BAZ1B: variants seen among roughly 807,000 people sequenced by gnomAD.
BAZ1B encodes the protein bromodomain adjacent to zinc finger domain 1B, also known as tyrosine-protein kinase BAZ1B.
In BAZ1B, 22 loss-of-function variants were observed where a neutral mutation model predicts 153.8. That is an observed-to-expected ratio of 0.14 (90% CI 0.10 to 0.20). The LOEUF (loss-of-function observed/expected upper bound fraction) is 0.20. BAZ1B is among the 10% of genes least tolerant of loss of function. The probability of loss-of-function intolerance (pLI) is 1.00; values close to 1 mark genes in which losing one functional copy is unlikely to be tolerated. For missense variants in BAZ1B, 1,325 were observed against 1,799.3 expected (o/e 0.74, Z 4.77); for synonymous variants, 676 against 633.4 (o/e 1.07, Z -1.01).
chr7:73,500,095 C>T (rs542885372), intron 3 of BAZ1B, among the ~76,000 whole-genome samples: 2 of 152,240 alleles, frequency 1.3e-5, no homozygotes, highest in Non-Finnish European at 2.9e-5. Context: ...ACTACAGGCA[C>T]ACACCACACC....
chr7:73,516,264 C>T (rs79024510), intron 1 of BAZ1B, among the ~76,000 whole-genome samples: 4,835 of 152,232 alleles, frequency 0.032, 153 homozygotes, highest in Non-Finnish European at 0.037. Flanking sequence ...AATCCTCCAG[C>T]TTTGGCCTCC....
chr7:73,442,703 C>T (rs782359795), intron 18 of BAZ1B, 22 bp downstream of exon 18: 1 of 1,610,004 alleles, frequency 6.2e-7, no homozygotes, highest in Non-Finnish European at 8.5e-7. Flanking sequence ...CTCTCCCCTG[C>T]ACCTGAGAAC....
In BAZ1B at chr7:73,466,312, G is replaced by T; in HGVS notation, c.2956C>A (p.Gln986Lys). Residue 986 changes from glutamine to lysine, a missense_variant, in exon 10 of 20, where the codon CAA becomes AAA. By Grantham distance (53) the Gln-to-Lys change is moderately conservative (BLOSUM62 1). Coordinates refer to ENST00000339594, the MANE Select transcript of BAZ1B (RefSeq NM_032408.4). ...EVAVETTTPKQGQNLWFLCDS... is the reference protein window; with the variant it reads ...EVAVETTTPKKGQNLWFLCDS... Reference sequence around the variant, plus strand: ...TCACATTACCATAGGTTCTGTCCTTGTTTGGGTGTGGTTGTCTCTACAGCA... The same window carrying T: ...TCACATTACCATAGGTTCTGTCCTTTTTTGGGTGTGGTTGTCTCTACAGCA... 1 of 1,611,066 alleles carries T rather than the reference G, an allele frequency of 6.2e-7. No homozygotes were observed. The highest frequency in any genetic ancestry group is 8.5e-7 in the Non-Finnish European group (1 of 1,177,266).
intron 15 of BAZ1B, 29 bp from the exon 16 acceptor site, chr7:73,447,408 C>T (rs1041504456): frequency 6.3e-7 from 1 of 1,592,894 alleles, no homozygotes; most frequent in Admixed American, 1.7e-5. Flanking sequence ...ATGTAGGGAA[C>T]ACAGTTTTAG....
rs77753830 is a variant in BAZ1B at position 73,470,234 on chromosome 7, T to C, written c.2732+111A>G. On this transcript the variant is annotated intron_variant, in intron 8 of 19. Coordinates refer to ENST00000339594, the MANE Select transcript of BAZ1B (RefSeq NM_032408.4). Reference sequence around the variant, plus strand: ...TCAACAATTCTGTTTCCAAAAAGAATTGGAAAACTGAAGAGAGAAGCTTGT... The same window carrying C: ...TCAACAATTCTGTTTCCAAAAAGAACTGGAAAACTGAAGAGAGAAGCTTGT... The C allele has an allele frequency of 3.9e-4, 485 of 1,228,568 alleles. 4 individuals carry two copies. In the East Asian group the frequency reaches 0.01, roughly 26 times the overall value. 76.1% of individuals were successfully genotyped at this position (1,228,568 alleles called of 1,614,324 possible). A position where few individuals can be genotyped will look rare whatever the true frequency, so the allele number is the denominator to read the frequency against.
rs782085818 is a variant in BAZ1B at position 73,449,705 on chromosome 7, T to G, written c.3581-16A>C. On this transcript the variant is annotated splice_polypyrimidine_tract_variant and intron_variant, in intron 14 of 19. Transcript: ENST00000339594. ...TCATCCTCACCTGCAGAGAGATAAA[T>G]GTGAATAGCATTGTTGGGAGCACAG... The G allele has an allele frequency of 6.2e-7, 1 of 1,613,148 alleles. No individual in the cohort carries two copies. The highest frequency in any genetic ancestry group is 1.3e-5 in the African/African-American group (1 of 74,982).
chr7:73,512,985 C>T (rs1790647940), intron 1 of BAZ1B, among the ~76,000 whole-genome samples: 1 of 152,154 alleles, frequency 6.6e-6, no homozygotes, highest in African/African-American at 2.4e-5. Flanking sequence ...CACAGGGTCT[C>T]ACTCTGTCAC....
chr7:73,468,385 A>G (rs1788672490), intron 9 of BAZ1B, among the ~76,000 whole-genome samples: 1 of 152,116 alleles, frequency 6.6e-6, no homozygotes, highest in African/African-American at 2.4e-5. Context: ...CAGTACAAAA[A>G]ACTATCTTCC....
At position 73,477,739 on chromosome 7, in the gene BAZ1B, T is replaced by C; in HGVS notation, c.1722A>G (p.Leu574=). The change falls in exon 7 of 20, where the codon TTA becomes TTG. Residue 574 remains leucine (L), a synonymous_variant. Transcript: ENST00000339594. The surrounding 1 kb of genome is among the most constrained non-coding windows in gnomAD (Gnocchi z 5.6). The stretch of plus-strand genomic sequence containing the variant: ...GGTCCTCATACCGCTTCTGTTTTTC[T>C]AATCTCTCAAGCATTTCTTTCTCTC... The part of the protein sequence containing the change: ...ERREKEMLER[L]EKQKRYEDQE... 1.9e-6 allele frequency: 3 copies of C among 1,614,256 alleles called. No individual in the cohort carries two copies. Among genetic ancestry groups the C allele is most frequent in the Non-Finnish European group, 2.5e-6 (3 of 1,180,048 alleles).
intron 3 of BAZ1B, among the ~76,000 whole-genome samples, chr7:73,505,672 T>TC (rs1790309238): frequency 6.6e-6 from 1 of 151,720 alleles, no homozygotes; most frequent in Non-Finnish European, 1.5e-5. Flanking sequence ...CACTTCGGCC[T>TC]CCCGAGTAGC....
chr7:73,492,142 GC>G, intron 5 of BAZ1B, among the ~76,000 whole-genome samples: 1 of 151,698 alleles, frequency 6.6e-6, no homozygotes. Context: ...ATAGGCGTGC[GC>G]CACCACACCT....
intron 13 of BAZ1B, among the ~76,000 whole-genome samples, chr7:73,458,445 G>A (rs531273146): frequency 6.6e-6 from 1 of 152,154 alleles, no homozygotes; most frequent in Non-Finnish European, 1.5e-5. Context: ...GGAGGCTGAG[G>A]TGGGCAGATG....
chr7:73,519,742 T>C (rs1306214690), intron 1 of BAZ1B, among the ~76,000 whole-genome samples: 2 of 152,126 alleles, frequency 1.3e-5, no homozygotes, highest in African/African-American at 4.8e-5. Flanking sequence ...TACTTAGAAA[T>C]TGTCTCTTCT....
intron 9 of BAZ1B, among the ~76,000 whole-genome samples, chr7:73,467,254 T>C (rs1788626623): frequency 6.6e-6 from 1 of 152,042 alleles, no homozygotes. Context: ...ATTTGAAGCC[T>C]TACCTCATAC....
chr7:73,447,292 TTCCTCC>T lies in BAZ1B; in HGVS notation c.3810_3815del (p.Glu1272_Glu1273del), dbSNP rs551016129. 1 of 1,609,040 alleles carries T rather than the reference TTCCTCC, an allele frequency of 6.2e-7. No homozygotes were observed. Among genetic ancestry groups the T allele is most frequent in the Admixed American group, 1.7e-5 (1 of 59,970 alleles). On this transcript the variant is annotated inframe_deletion, in exon 16 of 20. Coordinates refer to ENST00000339594, the MANE Select transcript of BAZ1B (RefSeq NM_032408.4). ...GCAAACCAGCCACCTCATAATCTTC[TTCCTCC>T]TCCTCCTCTTCTTCCTCCTCCTCCT...
rs1238522821 is a variant in BAZ1B at position 73,441,083 on chromosome 7, G to A, written c.*626C>T. 1 of 152,432 alleles carries A rather than the reference G, an allele frequency of 6.6e-6. No homozygotes were observed. The highest frequency in any genetic ancestry group is 1.5e-5 in the Non-Finnish European group (1 of 68,076). 9.4% of individuals were successfully genotyped at this position (152,432 alleles called of 1,614,324 possible). A position where few individuals can be genotyped will look rare whatever the true frequency, so the allele number is the denominator to read the frequency against. On this transcript the variant is annotated 3_prime_UTR_variant, in exon 20 of 20. Transcript: ENST00000339594. ...GGCTGAGGTCAGAACGGGCATGGGA[G>A]GCAGCAGACACAGCACTGCCCTGCT... is the stretch of plus-strand genomic sequence containing the variant.
At chr7:73,519,653 A>G (rs1554579816) in intron 1 of BAZ1B, among the ~76,000 whole-genome samples, 1 of 152,192 alleles carries the variant, frequency 6.6e-6, no homozygotes, top group African/African-American at 2.4e-5. Flanking sequence ...CATTCATTCA[A>G]TAATATGAAA....
At chr7:73,488,486 C>T (rs1789504778) in intron 6 of BAZ1B, among the ~76,000 whole-genome samples, 1 of 152,066 alleles carries the variant, frequency 6.6e-6, no homozygotes, top group Non-Finnish European at 1.5e-5. Flanking sequence ...AATCCCAGCA[C>T]TTTGGGAGGC....
chr7:73,508,153 T>C (rs1409857282), intron 3 of BAZ1B, among the ~76,000 whole-genome samples, 174 bp downstream of exon 3: 1 of 152,026 alleles, frequency 6.6e-6, no homozygotes, highest in Non-Finnish European at 1.5e-5. Flanking sequence ...AGACTCCATC[T>C]CAAAAAAACA....
Sources: allele counts gnomAD v4.1 joint callset (sites outside exome capture counted in the v4.1 genomes callset), GRCh38; gene constraint gnomAD v4.1.1; non-coding constraint Gnocchi (gnomAD v3.1); transcripts MANE v1.5; gene names NCBI Gene and HGNC (gene_info 2026-07-23, HGNC 2026-07-21).